ARL15: variants seen among roughly 807,000 people sequenced by gnomAD.
ARL15 encodes the protein ARF like GTPase 15.
A neutral mutation model predicts 25.2 loss-of-function variants in ARL15; 19 were observed. The observed-to-expected ratio is 0.75, with a 90% CI of 0.53 to 1.10. The LOEUF is 1.10. Among genes scored for constraint, ARL15 ranks in the 50% least tolerant of loss-of-function variants. ARL15 has a pLI of 0.00. For synonymous variants in ARL15, 94 were observed against 86.8 expected, an observed-to-expected ratio of 1.08 and a Z score of -0.46; for missense variants, 220 against 246.0, an observed-to-expected ratio of 0.89 and a Z score of 0.71.
chr5:53,993,166 C>G (rs1353619126), intron 4 of ARL15, among the ~76,000 whole-genome samples: 1 of 152,166 alleles, frequency 6.6e-6, no homozygotes, highest in Non-Finnish European at 1.5e-5. Context: ...ACATTTTCGT[C>G]TAGGAAACAC....
chr5:54,221,825 GCACACACACA>G (rs3035310), intron 1 of ARL15, among the ~76,000 whole-genome samples: 1,963 of 142,118 alleles, frequency 0.014, 44 homozygotes, highest in African/African-American at 0.043. Flanking sequence ...CAAGAAACAT[GCACACACACA>G]CACACACACA....
At chr5:53,978,344 T>C (rs954280972) in intron 4 of ARL15, among the ~76,000 whole-genome samples, 2 of 152,136 alleles carry the variant, frequency 1.3e-5, no homozygotes, top group East Asian at 1.9e-4. Flanking sequence ...ACCACTTGGT[T>C]TGCAATGAGA....
chr5:53,943,338 A>G (rs1746608216), intron 4 of ARL15, among the ~76,000 whole-genome samples: 1 of 152,080 alleles, frequency 6.6e-6, no homozygotes, highest in Non-Finnish European at 1.5e-5. Flanking sequence ...GATGATTTTT[A>G]TTTTCTCAGG....
chr5:54,184,908 C>A (rs1369906034), intron 1 of ARL15, among the ~76,000 whole-genome samples: 1 of 152,076 alleles, frequency 6.6e-6, no homozygotes, highest in Non-Finnish European at 1.5e-5. Flanking sequence ...CAGGTCTTAT[C>A]CTACTCCAAT....
rs1291806632 is a variant in ARL15 at position 54,206,383 on chromosome 5, G to GA, written c.49-34456dup. On this transcript the variant is annotated intron_variant, in intron 1 of 4. Coordinates refer to ENST00000504924, the MANE Select transcript of ARL15 (RefSeq NM_019087.3). ...CAGCCCTCATTGAAGTTATAGTCTA[G>GA]AAGGAAAGTCAATAGTAAACAGAGT... 2.6e-5 allele frequency among the ~76,000 whole-genome samples: 4 copies of GA among 152,120 alleles called. No individual in the cohort carries two copies. In the East Asian group the frequency reaches 7.7e-4, roughly 29 times the overall value.
intron 3 of ARL15, among the ~76,000 whole-genome samples, chr5:54,147,587 A>G (rs543506584): frequency 1.4e-4 from 22 of 152,174 alleles, no homozygotes; most frequent in East Asian, 5.8e-4. Context: ...TACCTATAGT[A>G]AGGTCAAAAG....
chr5:54,065,323 C>G (rs1344918317), intron 4 of ARL15, among the ~76,000 whole-genome samples: 3 of 152,158 alleles, frequency 2.0e-5, no homozygotes, highest in Non-Finnish European at 4.4e-5. Context: ...AATATAATAG[C>G]CACTAGCTAC....
At chr5:54,041,101 T>C (rs1750330473) in intron 4 of ARL15, among the ~76,000 whole-genome samples, 2 of 152,174 alleles carry the variant, frequency 1.3e-5, no homozygotes, top group South Asian at 4.1e-4. Flanking sequence ...GTGAGACACA[T>C]ACAAGACAAT....
chr5:54,141,946 T>C (rs1273887894), intron 3 of ARL15, among the ~76,000 whole-genome samples: 1 of 152,214 alleles, frequency 6.6e-6, no homozygotes, highest in East Asian at 1.9e-4. Context: ...ACAGATGTAC[T>C]ACAGTTTGTT....
intron 4 of ARL15, among the ~76,000 whole-genome samples, chr5:54,080,459 C>A (rs1751763750): frequency 6.6e-6 from 1 of 152,094 alleles, no homozygotes; most frequent in Admixed American, 6.5e-5. Context: ...TTTACATAAG[C>A]ATTTAGGTAT....
chr5:54,155,136 A>G (rs1382755372), intron 2 of ARL15, among the ~76,000 whole-genome samples: 1 of 152,114 alleles, frequency 6.6e-6, no homozygotes, highest in Non-Finnish European at 1.5e-5. Context: ...AAACAAACAA[A>G]CAAGCAAAAA....
At chr5:53,926,062 A>G (rs2112033811) in intron 4 of ARL15, among the ~76,000 whole-genome samples, 1 of 150,752 alleles carries the variant, frequency 6.6e-6, no homozygotes, top group South Asian at 2.1e-4. Context: ...AAACACCTAA[A>G]GAAGATACAT....
At chr5:54,262,354 A>C (rs754581606) in intron 1 of ARL15, among the ~76,000 whole-genome samples, 64 of 152,172 alleles carry the variant, frequency 4.2e-4, no homozygotes, top group Non-Finnish European at 7.4e-4. Flanking sequence ...CCAGATTATA[A>C]AATATTTTAC....
chr5:53,973,542 C>G (rs1189422141), intron 4 of ARL15, among the ~76,000 whole-genome samples: 1 of 149,734 alleles, frequency 6.7e-6, no homozygotes, highest in Non-Finnish European at 1.5e-5. Flanking sequence ...CCATTGCGCT[C>G]CAGCCTGGGC....
intron 1 of ARL15, among the ~76,000 whole-genome samples, chr5:54,229,692 TTG>T (rs1462455293): frequency 1.3e-5 from 2 of 152,198 alleles, no homozygotes; most frequent in Non-Finnish European, 2.9e-5. Context: ...CTTAAGATTA[TTG>T]TTATTCGGAA....
chr5:54,238,500 C>A (rs569912898), intron 1 of ARL15, among the ~76,000 whole-genome samples: 3 of 152,278 alleles, frequency 2.0e-5, no homozygotes, highest in Non-Finnish European at 4.4e-5. Context: ...TCGCAGGATG[C>A]CCCTTTCTTC....
chr5:54,235,308 T>TA (rs759869934), intron 1 of ARL15, among the ~76,000 whole-genome samples: 1 of 152,128 alleles, frequency 6.6e-6, no homozygotes, highest in Non-Finnish European at 1.5e-5. Context: ...AAAAACAGTG[T>TA]AAAAATACAC....
chr5:53,984,809 C>T (rs1748236044), intron 4 of ARL15, among the ~76,000 whole-genome samples: 1 of 152,064 alleles, frequency 6.6e-6, no homozygotes, highest in South Asian at 2.1e-4. Context: ...AGCCCAACTT[C>T]CCCACTTATT....
At chr5:54,178,792 A>G (rs994838493) in intron 1 of ARL15, among the ~76,000 whole-genome samples, 1 of 152,114 alleles carries the variant, frequency 6.6e-6, no homozygotes, top group African/African-American at 2.4e-5. Flanking sequence ...AGAACAAAAT[A>G]TTTTCCAGGT....
Sources: allele counts gnomAD v4.1 joint callset (sites outside exome capture counted in the v4.1 genomes callset), GRCh38; gene constraint gnomAD v4.1.1; transcripts MANE v1.5; gene names NCBI Gene and HGNC (gene_info 2026-07-23, HGNC 2026-07-21).